Variants in PALLD observed in about 807,000 individuals in gnomAD.
PALLD encodes palladin, cytoskeletal associated protein, also known as palladin.
Under a neutral mutation model 123.5 loss-of-function variants are expected in PALLD, and 61 were observed. The ratio of observed to expected loss-of-function variants is 0.49; its 90% confidence interval spans 0.40 to 0.61. PALLD has a LOEUF of 0.61. PALLD is among the 20% of genes least tolerant of loss of function. The pLI, the probability that PALLD is intolerant of heterozygous loss-of-function variation, is 0.00. For synonymous variants in PALLD, 465 were observed against 496.4 expected (o/e 0.94, Z 0.84); for missense variants, 1,273 against 1,377.0 (o/e 0.92, Z 1.20).
At chr4:168,505,693 G>A (rs1761929657) in intron 1 of PALLD, among the ~76,000 whole-genome samples, 1 of 152,204 alleles carries the variant, frequency 6.6e-6, no homozygotes, top group Non-Finnish European at 1.5e-5. Flanking sequence ...AGAGGCTGCT[G>A]TGAGGGTTTT....
intron 2 of PALLD, among the ~76,000 whole-genome samples, chr4:168,550,267 G>A (rs565021575): frequency 8.9e-6 from 1 of 112,970 alleles, no homozygotes; most frequent in South Asian, 2.9e-4. Context: ...CTGAGTCAGT[G>A]CAAAACTACA....
intron 2 of PALLD, among the ~76,000 whole-genome samples, chr4:168,640,883 C>T (rs981163141): frequency 1.3e-5 from 2 of 151,946 alleles, no homozygotes; most frequent in Admixed American, 6.6e-5. Context: ...CTAAAAATCC[C>T]GTGTGTGAGT....
chr4:168,535,582 A>G (rs1197560030), intron 2 of PALLD, among the ~76,000 whole-genome samples: 2 of 152,192 alleles, frequency 1.3e-5, no homozygotes, highest in Non-Finnish European at 1.5e-5. Flanking sequence ...ACCACTTTCC[A>G]AGAAGAGATT....
At chr4:168,901,857 T>TA (rs1374155045) in intron 14 of PALLD, among the ~76,000 whole-genome samples, 2 of 152,226 alleles carry the variant, frequency 1.3e-5, no homozygotes, top group East Asian at 1.9e-4. Context: ...TAGACTCATC[T>TA]AAAAAAAGAA....
intron 2 of PALLD, among the ~76,000 whole-genome samples, chr4:168,564,290 C>T (rs561090248): frequency 7.9e-5 from 12 of 152,332 alleles, no homozygotes; most frequent in Non-Finnish European, 7.3e-5. Flanking sequence ...TAGACTCCAA[C>T]ATAACCAGTG....
At chr4:168,505,237 C>T (rs543461975) in intron 1 of PALLD, among the ~76,000 whole-genome samples, 1 of 152,164 alleles carries the variant, frequency 6.6e-6, no homozygotes, top group Non-Finnish European at 1.5e-5. Flanking sequence ...CTATTATTTT[C>T]TTTTTCAATG....
chr4:168,771,091 A>C (rs1290097501), intron 10 of PALLD, among the ~76,000 whole-genome samples: 2 of 150,932 alleles, frequency 1.3e-5, no homozygotes, highest in African/African-American at 4.9e-5. Context: ...AAAAAACCTT[A>C]GTTTCTGAAA....
intron 3 of PALLD, among the ~76,000 whole-genome samples, chr4:168,669,800 GCA>G (rs10637670): frequency 0.025 from 3,658 of 147,840 alleles, 82 homozygotes; most frequent in Middle Eastern, 0.042. Flanking sequence ...CTTACAAAAT[GCA>G]CACACACACA....
rs2151073443 is a variant in PALLD at position 168,869,447 on chromosome 4, G to A, written c.1965-21475G>A. ...AGAGCTTCAAGAAGAAATGGGCATT[G>A]AAATGGGCACAGAAGGATGAAGACA... On this transcript the variant is annotated intron_variant, in intron 10 of 21. Coordinates refer to ENST00000505667, the MANE Select transcript of PALLD (RefSeq NM_001166108.2). The surrounding 1 kb of genome is among the most constrained non-coding windows in gnomAD (Gnocchi z 4.5). Among the ~76,000 whole-genome samples, 1 of 152,194 alleles carries A rather than the reference G, an allele frequency of 6.6e-6. No individual in the cohort carries two copies. The highest frequency in any genetic ancestry group is 1.5e-5 in the Non-Finnish European group (1 of 68,010).
chr4:168,536,521 T>C (rs963041337), intron 2 of PALLD: 1 of 152,276 alleles, frequency 6.6e-6, no homozygotes, highest in Non-Finnish European at 1.5e-5. Flanking sequence ...TCACAGTTCA[T>C]GGCTGGAGAG....
At chr4:168,922,926 T>G (rs1761866596) in intron 18 of PALLD, among the ~76,000 whole-genome samples, 1 of 152,216 alleles carries the variant, frequency 6.6e-6, no homozygotes, top group Non-Finnish European at 1.5e-5. Flanking sequence ...GTCCCGGCTC[T>G]TGTCGATTTT....
intron 10 of PALLD, among the ~76,000 whole-genome samples, chr4:168,836,810 C>A (rs1745264816): frequency 6.6e-6 from 1 of 152,178 alleles, no homozygotes; most frequent in Non-Finnish European, 1.5e-5. Flanking sequence ...GAACCCTGAA[C>A]ACACTTTTTC....
chr4:168,783,992 C>A (rs1417274711), intron 10 of PALLD, among the ~76,000 whole-genome samples: 4 of 152,038 alleles, frequency 2.6e-5, no homozygotes, highest in African/African-American at 9.7e-5. Flanking sequence ...CGTCTATAAT[C>A]CTAGCACTCT....
chr4:168,542,655 A>C (rs1765730831), intron 2 of PALLD, among the ~76,000 whole-genome samples: 1 of 90,256 alleles, frequency 1.1e-5, no homozygotes, highest in Non-Finnish European at 1.9e-5. Flanking sequence ...ATATTTATGT[A>C]AAGCTCTCTC....
chr4:168,702,927 C>T (rs187789118), intron 8 of PALLD, among the ~76,000 whole-genome samples: 25,916 of 145,168 alleles, frequency 0.18, 2,804 homozygotes, highest in East Asian at 0.33. Context: ...TATTATTATA[C>T]TTTAAGTTTT....
At chr4:168,702,817 C>G (rs1418002581) in intron 8 of PALLD, among the ~76,000 whole-genome samples, 1 of 152,034 alleles carries the variant, frequency 6.6e-6, no homozygotes, top group East Asian at 1.9e-4. Flanking sequence ...TCCCTTGTAA[C>G]TTTCCAGAGA....
chr4:168,690,646 T>C lies in PALLD; in HGVS notation c.1379T>C (p.Leu460Pro). The C allele has an allele frequency of 6.2e-7, 1 of 1,614,208 alleles. No individual in the cohort carries two copies. The highest frequency in any genetic ancestry group is 8.5e-7 in the Non-Finnish European group (1 of 1,180,024). The change falls in exon 7 of 22, where the codon CTG becomes CCG. Residue 460 changes from leucine to proline, a missense_variant. Around this residue, in one of 2 missense-constraint regions of PALLD, gnomAD observed 944 missense variants for 954.5 expected, o/e 0.99. Transcript: ENST00000505667. The part of the protein sequence containing the change: ...TAVAEGQVVV[L>P]ECRVRGAPPL... ...GTGGCGGAAGGCCAGGTGGTGGTTC[T>C]GGAGTGCCGGGTCCGTGGGGCACCC...
chr4:168,610,640 A>C (rs113023071), intron 2 of PALLD, among the ~76,000 whole-genome samples: 66 of 152,304 alleles, frequency 4.3e-4, no homozygotes, highest in Non-Finnish European at 7.5e-4. Context: ...TCGTGCTCCC[A>C]ACCCAGACCC....
At chr4:168,600,371 T>G (rs150555731) in intron 2 of PALLD, among the ~76,000 whole-genome samples, 22 of 152,308 alleles carry the variant, frequency 1.4e-4, no homozygotes, top group African/African-American at 4.8e-4. Context: ...CTCTCCCCCT[T>G]TTAAGCAAAA....
Sources: gnomAD v4.1 joint callset for allele counts (sites outside exome capture counted in the v4.1 genomes callset) on GRCh38, gnomAD v4.1.1 for gene constraint, gnomAD v4.1.1 regional missense constraint, Gnocchi (gnomAD v3.1) non-coding constraint, MANE v1.5 for transcripts, NCBI Gene and HGNC (gene_info 2026-07-23, HGNC 2026-07-21) for gene names.